Variants in IMPACT observed in about 807,000 individuals in gnomAD.
The protein encoded by IMPACT is protein IMPACT.
A neutral mutation model predicts 47.5 loss-of-function variants in IMPACT; 35 were observed. The ratio of observed to expected loss-of-function variants is 0.74; its 90% CI spans 0.56 to 0.98. The LOEUF is 0.98. Among genes scored for constraint, IMPACT ranks in the 50% least tolerant of loss-of-function variants. The probability of loss-of-function intolerance (pLI) is 0.00; values close to 1 mark genes in which losing one functional copy is unlikely to be tolerated. For missense variants in IMPACT, 373 were observed against 394.8 expected (o/e 0.94, Z 0.47); for synonymous variants, 118 against 125.6 (o/e 0.94, Z 0.40).
chr18:24,450,899 A>G lies in IMPACT; in HGVS notation c.*52A>G, dbSNP rs778784274. 9.3e-7 allele frequency: 1 copy of G among 1,075,176 alleles called. No individual in the cohort carries two copies. Among genetic ancestry groups the G allele is most frequent in the South Asian group, 1.3e-5 (1 of 74,376 alleles). 66.6% of individuals were successfully genotyped at this position (1,075,176 alleles called of 1,614,324 possible). A position where few individuals can be genotyped will look rare whatever the true frequency, so the allele number is the denominator to read the frequency against. ...TTGCCTATAATTATATATACATTCCATAGTCATCAAGGAATATATTGTGCA... is the reference window on the plus strand; with the variant it reads ...TTGCCTATAATTATATATACATTCCGTAGTCATCAAGGAATATATTGTGCA... On this transcript the variant is annotated 3_prime_UTR_variant, in exon 11 of 11. Transcript: ENST00000284202.
chr18:24,431,273 C>T (rs760819405), intron 4 of IMPACT, among the ~76,000 whole-genome samples: 13 of 151,870 alleles, frequency 8.6e-5, no homozygotes, highest in African/African-American at 2.7e-4. Context: ...GATGATAATT[C>T]CAGTGAGAGG....
chr18:24,447,286 C>T (rs1909271677), intron 8 of IMPACT, among the ~76,000 whole-genome samples: 2 of 152,050 alleles, frequency 1.3e-5, no homozygotes, highest in Admixed American at 1.3e-4. Context: ...CTTTTTATGG[C>T]CAGAGCTGGG....
intron 8 of IMPACT, among the ~76,000 whole-genome samples, chr18:24,446,376 A>T (rs1028203852): frequency 4.6e-5 from 7 of 152,218 alleles, no homozygotes; most frequent in Admixed American, 3.9e-4. Context: ...AAACCAATTT[A>T]TGCTCCTGTA....
chr18:24,432,277 A>G (rs1374949395), intron 4 of IMPACT, among the ~76,000 whole-genome samples: 1 of 152,212 alleles, frequency 6.6e-6, no homozygotes, highest in Non-Finnish European at 1.5e-5. Flanking sequence ...GGAAATATCT[A>G]TGATTTAGAT....
intron 4 of IMPACT, among the ~76,000 whole-genome samples, chr18:24,434,806 TG>T (rs1908868657): frequency 6.8e-6 from 1 of 146,282 alleles, no homozygotes; most frequent in African/African-American, 2.5e-5. Context: ...TGTGTGTGTG[TG>T]TGTATATATA....
Position 24,453,124 on chromosome 18 carries a change from A to G in IMPACT, c.*2277A>G, listed in dbSNP as rs1458749725. 1 of 152,228 alleles carries G rather than the reference A, an allele frequency of 6.6e-6. No individual in the cohort carries two copies. The highest frequency in any genetic ancestry group is 1.5e-5 in the Non-Finnish European group (1 of 68,046). 9.4% of individuals were successfully genotyped at this position (152,228 alleles called of 1,614,324 possible). On this transcript the variant is annotated 3_prime_UTR_variant, in exon 11 of 11. Coordinates refer to ENST00000284202, the MANE Select transcript of IMPACT (RefSeq NM_018439.4). ...AAATAGTCTTCATATGCCAGAATAT[A>G]AGAGCAAGTGTTATCTACTTTTTAG...
At chr18:24,441,016 G>T (rs1346948222) in intron 6 of IMPACT, among the ~76,000 whole-genome samples, 1 of 152,180 alleles carries the variant, frequency 6.6e-6, no homozygotes, top group East Asian at 1.9e-4. Flanking sequence ...TGAAAGTGCA[G>T]CCCTGGAAAT....
chr18:24,430,667 G>A (rs1445709520), intron 4 of IMPACT, among the ~76,000 whole-genome samples: 2 of 152,276 alleles, frequency 1.3e-5, no homozygotes, highest in South Asian at 2.1e-4. Context: ...AGGAGGTTGA[G>A]ATGGGAGGAT....
rs2739104 is a variant in IMPACT, at chr18:24,449,964, C to A, written c.894+11C>A. ...TACACAAATTCACCTGTAAGTGGCT[C>A]TTCGTACTACATCTAGAGAATTTCT... On this transcript the variant is annotated intron_variant, in intron 10 of 10. Transcript: ENST00000284202. 2 of 1,612,296 alleles carry A rather than the reference C, an allele frequency of 1.2e-6. No individual in the cohort carries two copies. The highest frequency in any genetic ancestry group is 2.7e-5 in the African/African-American group (2 of 74,826).
intron 4 of IMPACT, among the ~76,000 whole-genome samples, chr18:24,433,441 C>T (rs1367108591): frequency 6.7e-6 from 1 of 149,878 alleles, no homozygotes; most frequent in Non-Finnish European, 1.5e-5. Context: ...CCTCATGATC[C>T]ACCCGCCTCG....
intron 1 of IMPACT, chr18:24,427,048 A>G (rs944545878): frequency 5.2e-6 from 2 of 382,930 alleles, no homozygotes; most frequent in Non-Finnish European, 9.2e-6. Flanking sequence ...CACGCGACTA[A>G]GCAGCTCTGG....
chr18:24,438,079 T>C (rs761102492), intron 5 of IMPACT, 39 bp downstream of exon 5: 18 of 891,796 alleles, frequency 2.0e-5, no homozygotes, highest in Middle Eastern at 5.0e-4. Flanking sequence ...TTTTAACTTA[T>C]AATAACTACA....
In IMPACT at chr18:24,426,675, G is replaced by C. The variant is rs1908613847; in HGVS notation, c.-82G>C. 1.9e-6 allele frequency: 2 copies of C among 1,078,886 alleles called. No individual in the cohort carries two copies. The highest frequency in any genetic ancestry group is 2.4e-6 in the Non-Finnish European group (2 of 848,712). The allele number at this position is 1,078,886 out of a possible 1,614,324, so 66.8% of individuals were successfully genotyped here. On this transcript the variant is annotated 5_prime_UTR_variant, in exon 1 of 11. Coordinates refer to ENST00000284202, the MANE Select transcript of IMPACT (RefSeq NM_018439.4). The stretch of plus-strand genomic sequence containing the variant: ...TCCGGGTCGGGCCGCGCCGCAGCCA[G>C]CTCTCGGCTCGCAGCCGCAGCGCCC...
At chr18:24,441,220 A>G (rs1189812601) in intron 6 of IMPACT, among the ~76,000 whole-genome samples, 3 of 152,044 alleles carry the variant, frequency 2.0e-5, no homozygotes, top group Non-Finnish European at 4.4e-5. Context: ...TTTGAGATAG[A>G]GTCTTGCTCT....
chr18:24,426,676 C>T lies in IMPACT; in HGVS notation c.-81C>T. ...CCGGGTCGGGCCGCGCCGCAGCCAG[C>T]TCTCGGCTCGCAGCCGCAGCGCCCC... On this transcript the variant is annotated 5_prime_UTR_variant, in exon 1 of 11. Coordinates refer to ENST00000284202, the MANE Select transcript of IMPACT (RefSeq NM_018439.4). 4 of 1,085,384 alleles carry T rather than the reference C, an allele frequency of 3.7e-6. No homozygotes were observed. The highest frequency in any genetic ancestry group is 4.4e-5 in the South Asian group (1 of 22,532). 67.2% of individuals were successfully genotyped at this position (1,085,384 alleles called of 1,614,324 possible).
At chr18:24,450,196 G>A (rs1395036687) in intron 10 of IMPACT, among the ~76,000 whole-genome samples, 3 of 152,076 alleles carry the variant, frequency 2.0e-5, no homozygotes, top group Non-Finnish European at 4.4e-5. Flanking sequence ...TTCGCACCTT[G>A]ATTTCATAGG....
At chr18:24,435,534 G>C (rs1011453492) in intron 4 of IMPACT, 3 of 152,120 alleles carry the variant, frequency 2.0e-5, no homozygotes, top group Non-Finnish European at 4.4e-5. Context: ...AGGTTTTAAT[G>C]TTGGTGAGTG....
chr18:24,438,352 GT>G (rs201718234), intron 5 of IMPACT, among the ~76,000 whole-genome samples: 213 of 152,326 alleles, frequency 1.4e-3, no homozygotes, highest in African/African-American at 4.8e-3. Flanking sequence ...TAATTCATAA[GT>G]TTTAAATTGT....
At chr18:24,448,927 T>TA (rs1324649130) in intron 9 of IMPACT, among the ~76,000 whole-genome samples, 2 of 152,330 alleles carry the variant, frequency 1.3e-5, no homozygotes, top group East Asian at 3.9e-4. Context: ...TTTCCTAAGG[T>TA]AGTTACCTGG....
Sources: gnomAD v4.1 joint callset for allele counts (sites outside exome capture counted in the v4.1 genomes callset) on GRCh38, gnomAD v4.1.1 for gene constraint, MANE v1.5 for transcripts, NCBI Gene and HGNC (gene_info 2026-07-23, HGNC 2026-07-21) for gene names.